Variants in FAM13B observed in about 807,000 individuals in gnomAD.
FAM13B encodes the protein protein FAM13B.
A neutral mutation model predicts 117.3 loss-of-function variants in FAM13B; 60 were observed. The observed-to-expected ratio is 0.51, with a 90% CI of 0.42 to 0.63. The LOEUF is 0.63. Among genes scored for constraint, FAM13B ranks in the 30% least tolerant of loss-of-function variants. The pLI, the probability that FAM13B is intolerant of heterozygous loss-of-function variation, is 0.00. For missense variants in FAM13B, 972 were observed against 1,091.9 expected (o/e 0.89, Z 1.55); for synonymous variants, 332 against 356.1 (o/e 0.93, Z 0.76).
chr5:137,944,174 C>T (rs1467983813), intron 20 of FAM13B, among the ~76,000 whole-genome samples: 1 of 152,206 alleles, frequency 6.6e-6, no homozygotes, highest in African/African-American at 2.4e-5. Flanking sequence ...AAGGTTCACC[C>T]ATGTTGTGGC....
In FAM13B at chr5:137,946,362, CA is replaced by C. The variant is rs745778773; in HGVS notation, c.2161-52del. 2.6e-4 allele frequency: 301 copies of C among 1,176,202 alleles called. No individual in the cohort carries two copies. The East Asian group carries it at 6.6e-3, about 26-fold the overall frequency. 72.9% of individuals were successfully genotyped at this position (1,176,202 alleles called of 1,614,324 possible). A position where few individuals can be genotyped will look rare whatever the true frequency, so the allele number is the denominator to read the frequency against. ...AAATACAAAAAAAAAAAAACAAAAA[CA>C]AAAAAACTCCACTGGCACCATTAAT... On this transcript the variant is annotated intron_variant, in intron 18 of 23. Coordinates refer to ENST00000689681, the MANE Select transcript of FAM13B (RefSeq NM_001385994.1).
At chr5:138,016,294 A>G (rs1384832515) in intron 4 of FAM13B, among the ~76,000 whole-genome samples, 1 of 152,208 alleles carries the variant, frequency 6.6e-6, no homozygotes, top group Non-Finnish European at 1.5e-5. Flanking sequence ...CCAACAGTAC[A>G]TGATGCTGTC....
At chr5:137,992,446 T>C (rs781465206) in intron 7 of FAM13B, among the ~76,000 whole-genome samples, 2 of 151,356 alleles carry the variant, frequency 1.3e-5, no homozygotes, top group African/African-American at 2.4e-5. Flanking sequence ...ATACAAAAAT[T>C]AGCCGCGCAT....
At chr5:137,978,949 T>TA (rs1039157691) in intron 10 of FAM13B, among the ~76,000 whole-genome samples, 1 of 152,114 alleles carries the variant, frequency 6.6e-6, no homozygotes. Flanking sequence ...ACCTAAATCT[T>TA]AATCATTTTC....
rs147089033 is a variant in FAM13B at position 137,967,705 on chromosome 5, C to A, written c.1180-5236G>T. Among the ~76,000 whole-genome samples, 1,245 of 151,966 alleles carry A rather than the reference C, an allele frequency of 8.2e-3. 18 individuals are homozygous for A. Among genetic ancestry groups the A allele is most frequent in the African/African-American group, 0.028 (1,169 of 41,424 alleles). ...GCCAGGAGTTCAAGACCAGCCCAGG[C>A]AACAAAGTGAGACTCCTTCTCTGTA... On this transcript the variant is annotated intron_variant, in intron 10 of 23. Transcript: ENST00000689681.
intron 6 of FAM13B, among the ~76,000 whole-genome samples, chr5:138,008,427 G>C (rs980017836): frequency 6.6e-6 from 1 of 152,164 alleles, no homozygotes; most frequent in African/African-American, 2.4e-5. Flanking sequence ...GGGTGACAGA[G>C]TAAGATTTGG....
At position 138,018,407 on chromosome 5, in the gene FAM13B, C is replaced by T; in HGVS notation, c.265G>A (p.Ala89Thr). ...AGGCTAATAGCTGAGGGAACATCTG[C>T]TTCCTTAACCAAATCCACCTCTTCT... ...SGEEVDLVKE[A>T]DVPSAISLLR... The change falls in exon 4 of 24, where the codon GCA (alanine) becomes ACA (threonine). Residue 89 changes from alanine (A) to threonine (T), a missense_variant. Transcript: ENST00000689681. 6.2e-7 allele frequency: 1 copy of T among 1,614,166 alleles called. No individual in the cohort carries two copies.
intron 10 of FAM13B, among the ~76,000 whole-genome samples, chr5:137,972,411 C>A (rs1244108416): frequency 2.6e-5 from 4 of 151,966 alleles, no homozygotes; most frequent in Non-Finnish European, 5.9e-5. Context: ...AATTCAACAA[C>A]CTTCATGCTA....
chr5:137,969,591 C>T lies in FAM13B; in HGVS notation c.1180-7122G>A, dbSNP rs1367257706. Among the ~76,000 whole-genome samples, 4 of 152,274 alleles carry T rather than the reference C, an allele frequency of 2.6e-5. No homozygotes were observed. In the East Asian group the frequency reaches 5.8e-4, roughly 22 times the overall value. ...AAGGAACGCAGTTCCTCACCAGCAA[C>T]GGAACAAAGCTGGACGGAGAATGAC... On this transcript the variant is annotated intron_variant, in intron 10 of 23. Transcript: ENST00000689681.
upstream of FAM13B, chr5:138,036,568 C>G (rs752547333): frequency 4.4e-6 from 2 of 456,744 alleles, no homozygotes; most frequent in South Asian, 3.1e-5. Context: ...AGGCAGGCAC[C>G]TGTGGTAAGA....
chr5:137,993,588 C>A (rs376174739), intron 7 of FAM13B, among the ~76,000 whole-genome samples: 1 of 151,366 alleles, frequency 6.6e-6, no homozygotes, highest in African/African-American at 2.4e-5. Flanking sequence ...CGAGAGCAGC[C>A]GGGCCTACAA....
At chr5:138,022,055 A>G (rs950281602) in intron 1 of FAM13B, among the ~76,000 whole-genome samples, 1 of 151,214 alleles carries the variant, frequency 6.6e-6, no homozygotes, top group African/African-American at 2.4e-5. Flanking sequence ...GGAGGCTGCA[A>G]TGGGTTGTGT....
intron 9 of FAM13B, among the ~76,000 whole-genome samples, chr5:137,986,387 C>T (rs1183295687): frequency 1.3e-5 from 2 of 149,816 alleles, no homozygotes; most frequent in Non-Finnish European, 3.0e-5. Context: ...CCTTTACCTT[C>T]CTATGAATCT....
At chr5:138,020,044 C>G (rs1237040756) in intron 2 of FAM13B, 1 of 940,094 alleles carries the variant, frequency 1.1e-6, no homozygotes. Context: ...AAGAGATGTC[C>G]TTTTATCAAC....
chr5:137,988,820 T>C (rs1343907754), intron 7 of FAM13B, among the ~76,000 whole-genome samples: 1 of 152,168 alleles, frequency 6.6e-6, no homozygotes, highest in Non-Finnish European at 1.5e-5. Flanking sequence ...CTCTCACAGA[T>C]GATGAACCTA....
chr5:137,945,275 CA>C (rs1002476568), intron 20 of FAM13B, among the ~76,000 whole-genome samples: 10 of 152,106 alleles, frequency 6.6e-5, no homozygotes, highest in African/African-American at 2.4e-4. Flanking sequence ...TATTTGAACC[CA>C]AGACCAATCT....
chr5:137,956,476 C>A lies in FAM13B; in HGVS notation c.1507+1G>T. The A allele has an allele frequency of 1.3e-6, 2 of 1,593,698 alleles. No individual in the cohort carries two copies. On this transcript the variant is annotated splice_donor_variant, in intron 14 of 23. Coordinates refer to ENST00000689681, the MANE Select transcript of FAM13B (RefSeq NM_001385994.1). LOFTEE classifies it high-confidence loss of function. ...ACTAAACTATGGTGAACCATACTTA[C>A]CCTCCCCATCTCTCTGCAGATGCAT...
At chr5:138,001,553 G>A (rs1413599448) in intron 7 of FAM13B, among the ~76,000 whole-genome samples, 1 of 152,198 alleles carries the variant, frequency 6.6e-6, no homozygotes, top group East Asian at 1.9e-4. Flanking sequence ...TTTACTGAGT[G>A]CCTATTCTGT....
intron 1 of FAM13B, among the ~76,000 whole-genome samples, chr5:138,025,508 A>G (rs1437040821): frequency 6.6e-6 from 1 of 151,774 alleles, no homozygotes; most frequent in Non-Finnish European, 1.5e-5. Context: ...TTATCAATAA[A>G]GTTGGGTGAC....
Sources: gnomAD v4.1 joint callset for allele counts (sites outside exome capture counted in the v4.1 genomes callset) on GRCh38, gnomAD v4.1.1 for gene constraint, MANE v1.5 for transcripts, NCBI Gene and HGNC (gene_info 2026-07-23, HGNC 2026-07-21) for gene names.